CFAP251: variants seen among roughly 807,000 people sequenced by gnomAD.
CFAP251 encodes the protein cilia and flagella associated protein 251, also known as cilia- and flagella-associated protein 251.
A neutral mutation model predicts 126.7 loss-of-function variants in CFAP251; 93 were observed. That is an observed-to-expected ratio of 0.73 (90% confidence interval 0.62 to 0.87). CFAP251 has a LOEUF of 0.87. Ranked by LOEUF, CFAP251 falls within the 40% of genes least tolerant of loss-of-function variation. The pLI is 0.00. For synonymous variants in CFAP251, 503 were observed against 506.9 expected (o/e 0.99, Z 0.10); for missense variants, 1,287 against 1,389.2 (o/e 0.93, Z 1.17).
intron 15 of CFAP251, 74 bp from the exon 16 acceptor site, chr12:121,966,881 G>T: frequency 6.9e-7 from 1 of 1,443,526 alleles, no homozygotes; most frequent in Non-Finnish European, 9.6e-7. Context: ...ACTGCGCCTG[G>T]CCCGACCAAA....
At position 121,999,949 on chromosome 12, in the gene CFAP251, G is replaced by C; in HGVS notation, c.3235+5G>C. 1 of 1,605,794 alleles carries C rather than the reference G, an allele frequency of 6.2e-7. No homozygotes were observed. Among genetic ancestry groups the C allele is most frequent in the Non-Finnish European group, 8.5e-7 (1 of 1,172,850 alleles). On this transcript the variant is annotated splice_donor_5th_base_variant and intron_variant, in intron 20 of 21. Coordinates refer to ENST00000288912, the MANE Select transcript of CFAP251 (RefSeq NM_144668.6). ...TGAGACTGCTCGTTACTAAAGGTAA[G>C]CACATACATCAGGATGTCTGGTAAC...
intron 20 of CFAP251, 137 bp from the exon 21 acceptor site, chr12:122,001,359 AT>A (rs1414028753): frequency 1.4e-4 from 109 of 790,682 alleles, no homozygotes; most frequent in Non-Finnish European, 1.6e-4. Context: ...CCCAGCCTAA[AT>A]TTTTTTTTCA....
In CFAP251 at chr12:121,940,498, C is replaced by G. The variant is rs548451094; in HGVS notation, c.999-2036C>G. ...AGCGTGACATACAGAGATGCTGAGG[C>G]CTGTTTATCTTCACTGTATCTAGGA... On this transcript the variant is annotated intron_variant, in intron 5 of 21. Coordinates refer to ENST00000288912, the MANE Select transcript of CFAP251 (RefSeq NM_144668.6). 5.1e-4 allele frequency among the ~76,000 whole-genome samples: 77 copies of G among 152,212 alleles called. 1 individual carries two copies. The South Asian group carries it at 0.015, about 30-fold the overall frequency.
chr12:121,985,553 A>C (rs1882726893), intron 19 of CFAP251, among the ~76,000 whole-genome samples: 2 of 151,300 alleles, frequency 1.3e-5, no homozygotes, highest in South Asian at 4.2e-4. Context: ...AAAAAAAAAA[A>C]AGGGAGTGTA....
At chr12:121,968,965 C>T (rs914924638) in intron 17 of CFAP251, 79 of 985,252 alleles carry the variant, frequency 8.0e-5, no homozygotes, top group South Asian at 1.9e-4. Flanking sequence ...TACCCAAATC[C>T]GGCATGCTGC....
Position 122,003,686 on chromosome 12 carries a change from C to A in CFAP251, c.3372C>A (p.Asp1124Glu). Residue 1124 changes from aspartate (D) to glutamate (E), a missense_variant, in exon 22 of 22, where the codon GAC becomes GAA. Transcript: ENST00000288912. ...TTTGCCTTGAAGAAGAACTTCCAGA[C>A]GAAATCACTGCAGAAATATTCGCGA... ...SEICLEEELP[D>E]EITAEIFATE... is the part of the protein sequence containing the mutation. 2 of 1,610,610 alleles carry A rather than the reference C, an allele frequency of 1.2e-6. No individual in the cohort carries two copies. Among genetic ancestry groups the A allele is most frequent in the South Asian group, 1.1e-5 (1 of 90,062 alleles).
intron 17 of CFAP251, among the ~76,000 whole-genome samples, chr12:121,970,380 G>C (rs375024261): frequency 6.6e-6 from 1 of 152,022 alleles, no homozygotes; most frequent in Non-Finnish European, 1.5e-5. Flanking sequence ...ACCCCGATTC[G>C]AATCCTAGCT....
Position 121,968,139 on chromosome 12 carries a change from G to T in CFAP251, c.2741G>T (p.Arg914Leu), listed in dbSNP as rs750009375. 1.2e-6 allele frequency: 2 copies of T among 1,610,168 alleles called. No individual in the cohort carries two copies. Among genetic ancestry groups the T allele is most frequent in the South Asian group, 1.1e-5 (1 of 90,920 alleles). The change falls in exon 17 of 22, where the codon CGC (arginine) becomes CTC (leucine). Residue 914 changes from arginine to leucine, a missense_variant. Coordinates refer to ENST00000288912, the MANE Select transcript of CFAP251 (RefSeq NM_144668.6). Reference sequence around the variant, plus strand: ...GCCTTCACTGCGGGAGGGCACGATCGCTCGGTGGTGCAGTGGAAAATCACC... The same window carrying T: ...GCCTTCACTGCGGGAGGGCACGATCTCTCGGTGGTGCAGTGGAAAATCACC... ...CYAFTAGGHD[R>L]SVVQWKITLS...
At chr12:121,964,043 A>T (rs1028806544) in intron 15 of CFAP251, among the ~76,000 whole-genome samples, 2 of 152,150 alleles carry the variant, frequency 1.3e-5, no homozygotes, top group African/African-American at 4.8e-5. Context: ...AGGAGAAGGA[A>T]GTCAGGGAAC....
At chr12:121,962,562 G>A (rs988796225) in intron 15 of CFAP251, among the ~76,000 whole-genome samples, 20 of 152,116 alleles carry the variant, frequency 1.3e-4, no homozygotes, top group African/African-American at 4.6e-4. Flanking sequence ...GCCAGGTACC[G>A]TTTTAGGTGC....
At chr12:121,958,822 C>A in intron 12 of CFAP251, 121 bp from the exon 13 acceptor site, 1 of 1,248,570 alleles carries the variant, frequency 8.0e-7, no homozygotes, top group Non-Finnish European at 1.1e-6. Flanking sequence ...CATTTCTCCG[C>A]ACGGGAGCTT....
intron 7 of CFAP251, 56 bp from the exon 8 acceptor site, chr12:121,948,928 G>T (rs1565909403): frequency 4.8e-6 from 5 of 1,046,952 alleles, no homozygotes; most frequent in Non-Finnish European, 5.6e-6. Context: ...TTAACATTCA[G>T]CTTAACCAGA....
At chr12:121,984,421 C>T (rs886094264) in intron 19 of CFAP251, among the ~76,000 whole-genome samples, 1 of 152,136 alleles carries the variant, frequency 6.6e-6, no homozygotes, top group African/African-American at 2.4e-5. Flanking sequence ...ATTCTCCTGC[C>T]TCAGCCTCCC....
intron 19 of CFAP251, among the ~76,000 whole-genome samples, chr12:121,986,509 A>G (rs574814828): frequency 6.8e-5 from 10 of 147,924 alleles, no homozygotes; most frequent in African/African-American, 2.2e-4. Flanking sequence ...CACCGTCTCT[A>G]CAGTGATCAG....
At position 121,921,619 on chromosome 12, in the gene CFAP251, C is replaced by T. The variant is rs1239667551; in HGVS notation, c.314C>T (p.Ala105Val). ...ACAGTAGAGCCCCAAGAAGTCACAG[C>T]GTCCATGATCCGTTTGGAGACACAG... ...ETTVEPQEVT[A>V]SMIRLETQIT... Residue 105 changes from alanine to valine, a missense_variant, in exon 2 of 22, where the codon GCG becomes GTG. By Grantham distance (64) the Ala-to-Val change is moderately conservative. Transcript: ENST00000288912. 11 of 1,613,798 alleles carry T rather than the reference C, an allele frequency of 6.8e-6. No homozygotes were observed. Among genetic ancestry groups the T allele is most frequent in the East Asian group, 2.2e-5 (1 of 44,894 alleles).
At chr12:121,958,211 T>G (rs1881795618) in intron 11 of CFAP251, 61 bp from the exon 12 acceptor site, 3 of 1,593,136 alleles carry the variant, frequency 1.9e-6, no homozygotes, top group Non-Finnish European at 2.6e-6. Flanking sequence ...AGAAGCAGAA[T>G]AGCTGGCATG....
At chr12:121,987,512 C>T (rs952771787) in intron 19 of CFAP251, among the ~76,000 whole-genome samples, 45 of 151,978 alleles carry the variant, frequency 3.0e-4, no homozygotes, top group African/African-American at 9.7e-4. Flanking sequence ...GTCAGGAGTT[C>T]GAGACCACCC....
intron 5 of CFAP251, among the ~76,000 whole-genome samples, chr12:121,937,218 C>G (rs1301883498): frequency 1.3e-5 from 2 of 152,290 alleles, no homozygotes; most frequent in Admixed American, 1.3e-4. Context: ...GGCCTCTCCC[C>G]TTGCTTCTGC....
intron 13 of CFAP251, among the ~76,000 whole-genome samples, chr12:121,960,050 TTGAGCCCAGGAGACTGAGACTGCAG>T (rs1885564109): frequency 1.3e-5 from 2 of 152,140 alleles, no homozygotes; most frequent in South Asian, 4.1e-4. Flanking sequence ...GGAGGATCTT[TTGAGCCCAGGAGACTGAGACTGCAG>T]TGAGCCGTGA....
Sources: gnomAD v4.1 joint callset for allele counts (sites outside exome capture counted in the v4.1 genomes callset) on GRCh38, gnomAD v4.1.1 for gene constraint, MANE v1.5 for transcripts, NCBI Gene and HGNC (gene_info 2026-07-23, HGNC 2026-07-21) for gene names.